SNTG1: variants seen among roughly 807,000 people sequenced by gnomAD.
SNTG1 encodes gamma-1-syntrophin.
A neutral mutation model predicts 74.7 loss-of-function variants in SNTG1; 39 were observed. The ratio of observed to expected loss-of-function variants is 0.52; its 90% CI spans 0.40 to 0.68. The LOEUF (loss-of-function observed/expected upper bound fraction) is 0.68. Ranked by LOEUF, SNTG1 falls within the 30% of genes least tolerant of loss-of-function variation. The pLI, the probability that SNTG1 is intolerant of heterozygous loss-of-function variation, is 0.00. For missense variants in SNTG1, 685 were observed against 609.5 expected (o/e 1.12, Z -1.30); for synonymous variants, 254 against 217.1 (o/e 1.17, Z -1.49).
chr8:50,193,776 T>A (rs2131800777), intron 2 of SNTG1, among the ~76,000 whole-genome samples: 1 of 152,256 alleles, frequency 6.6e-6, no homozygotes, highest in Admixed American at 6.5e-5. Context: ...CTTTCAACAT[T>A]TCCCCATTCA....
At chr8:50,772,342 G>T (rs1337350317) in intron 18 of SNTG1, among the ~76,000 whole-genome samples, 1 of 152,142 alleles carries the variant, frequency 6.6e-6, no homozygotes, top group Non-Finnish European at 1.5e-5. Flanking sequence ...GGAGCCTTAA[G>T]ATTTACTGTC....
At chr8:50,514,379 T>A (rs62515747) in intron 9 of SNTG1, among the ~76,000 whole-genome samples, 16,859 of 152,266 alleles carry the variant, frequency 0.11, 1,323 homozygotes, top group Non-Finnish European at 0.16. Flanking sequence ...TTTCTCTCTT[T>A]GTAATGCTTT....
intron 2 of SNTG1, among the ~76,000 whole-genome samples, chr8:50,373,103 G>A (rs2092305517): frequency 6.6e-6 from 1 of 152,148 alleles, no homozygotes; most frequent in South Asian, 2.1e-4. Context: ...AATCACCAAT[G>A]TAAGTAAAAA....
chr8:50,253,751 A>C (rs577715251), intron 2 of SNTG1, among the ~76,000 whole-genome samples: 40 of 152,272 alleles, frequency 2.6e-4, no homozygotes, highest in African/African-American at 8.9e-4. Flanking sequence ...AAAGAATGAA[A>C]TCTTACCATT....
At chr8:50,788,337 ATT>A (rs973252967) in intron 18 of SNTG1, among the ~76,000 whole-genome samples, 1 of 151,978 alleles carries the variant, frequency 6.6e-6, no homozygotes, top group African/African-American at 2.4e-5. Flanking sequence ...CAGTTTCAAT[ATT>A]TTTTTGTCCT....
chr8:50,556,795 G>A (rs555450359), intron 12 of SNTG1, among the ~76,000 whole-genome samples: 10 of 152,242 alleles, frequency 6.6e-5, no homozygotes, highest in South Asian at 2.1e-4. Context: ...TTCCATGTGC[G>A]TTGGCTCCAT....
chr8:50,701,586 C>CTCT (rs5891382), intron 15 of SNTG1, among the ~76,000 whole-genome samples: 10,020 of 145,212 alleles, frequency 0.069, 440 homozygotes, highest in East Asian at 0.13. Context: ...CTTTTTCTTC[C>CTCT]TCTTCTTCTT....
intron 1 of SNTG1, among the ~76,000 whole-genome samples, chr8:50,167,321 AAT>A (rs1035613512): frequency 2.6e-4 from 38 of 148,114 alleles, no homozygotes; most frequent in Non-Finnish European, 5.1e-4. Flanking sequence ...AAAAAAATAA[AAT>A]AAAATAAAAT....
chr8:50,324,241 G>A (rs1209146600), intron 2 of SNTG1, among the ~76,000 whole-genome samples: 1 of 152,152 alleles, frequency 6.6e-6, no homozygotes, highest in Non-Finnish European at 1.5e-5. Flanking sequence ...CTCTGCTGTA[G>A]CAGGGCAGCA....
At chr8:50,339,553 A>G (rs768068282) in intron 2 of SNTG1, among the ~76,000 whole-genome samples, 31 of 151,992 alleles carry the variant, frequency 2.0e-4, no homozygotes, top group African/African-American at 7.2e-5. Flanking sequence ...TGCATTATCC[A>G]TGAAGTGTTT....
At chr8:50,052,291 A>G (rs1819642711) in intron 1 of SNTG1, among the ~76,000 whole-genome samples, 1 of 152,102 alleles carries the variant, frequency 6.6e-6, no homozygotes, top group Non-Finnish European at 1.5e-5. Flanking sequence ...TCATTGTTAC[A>G]ACATTTTATC....
At chr8:50,570,226 TTTTTATTTTATTTTATTTTA>T (rs1175368970) in intron 12 of SNTG1, among the ~76,000 whole-genome samples, 16 of 46,808 alleles carry the variant, frequency 3.4e-4, no homozygotes, top group Non-Finnish European at 1.2e-4. Flanking sequence ...GGTGGTTCTA[TTTTTATTTTATTTTATTTTA>T]TTTTATTTTA....
chr8:50,091,226 T>C (rs898741289), intron 1 of SNTG1, among the ~76,000 whole-genome samples: 1 of 152,118 alleles, frequency 6.6e-6, no homozygotes, highest in Non-Finnish European at 1.5e-5. Flanking sequence ...CGTGGTAAAA[T>C]GATTACTACA....
chr8:50,413,163 T>C (rs2092970793), intron 4 of SNTG1, among the ~76,000 whole-genome samples: 1 of 152,226 alleles, frequency 6.6e-6, no homozygotes, highest in African/African-American at 2.4e-5. Flanking sequence ...AATGAATTTT[T>C]ATAACATTAA....
At chr8:50,299,976 G>C (rs2089574143) in intron 2 of SNTG1, among the ~76,000 whole-genome samples, 1 of 152,080 alleles carries the variant, frequency 6.6e-6, no homozygotes, top group Non-Finnish European at 1.5e-5. Context: ...AATTCATATA[G>C]AACAGTTAGA....
At chr8:50,722,768 A>T (rs1172530927) in intron 17 of SNTG1, among the ~76,000 whole-genome samples, 1 of 152,118 alleles carries the variant, frequency 6.6e-6, no homozygotes, top group Non-Finnish European at 1.5e-5. Flanking sequence ...TTCTTTCTTC[A>T]TCTTTACTTT....
At chr8:50,299,472 T>C (rs1434265661) in intron 2 of SNTG1, among the ~76,000 whole-genome samples, 1 of 152,168 alleles carries the variant, frequency 6.6e-6, no homozygotes, top group Non-Finnish European at 1.5e-5. Flanking sequence ...AGTTTTCAAA[T>C]AGTCTTTTGG....
chr8:49,910,277 C>T (rs1400123451), upstream of SNTG1, among the ~76,000 whole-genome samples: 1 of 152,082 alleles, frequency 6.6e-6, no homozygotes, highest in East Asian at 1.9e-4. Flanking sequence ...ATTAGTGTTG[C>T]GCCCCGCCCC....
At chr8:50,567,725 C>T (rs189941337) in intron 12 of SNTG1, among the ~76,000 whole-genome samples, 244 of 152,162 alleles carry the variant, frequency 1.6e-3, no homozygotes, top group Non-Finnish European at 2.9e-3. Context: ...GGATAATGAA[C>T]TCATTACAAT....
Sources: allele counts gnomAD v4.1 joint callset (sites outside exome capture counted in the v4.1 genomes callset), GRCh38; gene constraint gnomAD v4.1.1; transcripts MANE v1.5; gene names NCBI Gene and HGNC (gene_info 2026-07-23, HGNC 2026-07-21).